The following C1orf94 variants were observed in gnomAD, a reference collection of about 807,000 sequenced individuals.
C1orf94 encodes the protein chromosome 1 open reading frame 94.
C1orf94 carries 45 observed loss-of-function variants against 53.6 expected under a neutral mutation model. The ratio of observed to expected loss-of-function variants is 0.84; its 90% CI spans 0.66 to 1.08. The LOEUF (loss-of-function observed/expected upper bound fraction) is 1.08, where lower values mean the gene tolerates loss of function less well. C1orf94 is among the 50% of genes least tolerant of loss of function. C1orf94 has a pLI of 0.00. For synonymous variants in C1orf94, 304 were observed against 296.1 expected, an observed-to-expected ratio of 1.03 and a Z score of -0.27; for missense variants, 762 against 738.9, an observed-to-expected ratio of 1.03 and a Z score of -0.36.
chr1:34,214,881 G>T (rs1023050877), intron 6 of C1orf94, among the ~76,000 whole-genome samples: 17 of 152,204 alleles, frequency 1.1e-4, no homozygotes, highest in African/African-American at 4.1e-4. Flanking sequence ...CCAGGACCAT[G>T]AGGTCGGAAA....
rs578085867 is a variant in C1orf94, at chr1:34,208,038, G to A, written c.1447-119G>A. On this transcript the variant is annotated intron_variant, in intron 4 of 6. Coordinates refer to ENST00000488417, the MANE Select transcript of C1orf94 (RefSeq NM_001134734.2). ...TCCAGCTGGCCTCAGACAGCCCATG[G>A]GTCTGGTCAGCAATGTGATGGGACA... The A allele has an allele frequency of 2.7e-5, 26 of 961,252 alleles. No homozygotes were observed. The East Asian group carries it at 6.6e-4, about 24-fold the overall frequency. The allele number at this position is 961,252 out of a possible 1,614,324, so 59.5% of individuals were successfully genotyped here.
chr1:34,208,768 T>C (rs1642842838), intron 5 of C1orf94, among the ~76,000 whole-genome samples: 1 of 152,142 alleles, frequency 6.6e-6, no homozygotes, highest in African/African-American at 2.4e-5. Context: ...TACCTCTTGC[T>C]CTTTCCACGG....
Position 34,197,404 on chromosome 1 carries a change from T to C in C1orf94, c.500T>C (p.Val167Ala), listed in dbSNP as rs1285482168. ...CCCTGCATTCTTGCCCCTCCTCTAG[T>C]GGCAGGCAGTAATGAGCGCCCCAGA... ...LAPCILAPPLVAGSNERPRAS... is the reference protein window; with the variant it reads ...LAPCILAPPLAAGSNERPRAS... Residue 167 changes from valine to alanine, a missense_variant, in exon 2 of 7, where the codon GTG becomes GCG. Physicochemically the swap from Val to Ala is moderately conservative, Grantham distance 64 (BLOSUM62 0). Coordinates refer to ENST00000488417, the MANE Select transcript of C1orf94 (RefSeq NM_001134734.2). This position sits in a 1 kb window ranked among gnomAD's most constrained non-coding sequence, Gnocchi z 4.1. The C allele has an allele frequency of 2.5e-6, 4 of 1,613,816 alleles. No individual in the cohort carries two copies. The South Asian group carries it at 4.4e-5, about 18-fold the overall frequency.
chr1:34,217,550 C>T (rs1216030297), intron 6 of C1orf94, among the ~76,000 whole-genome samples: 2 of 152,168 alleles, frequency 1.3e-5, no homozygotes, highest in African/African-American at 4.8e-5. Flanking sequence ...GAGGGACCCA[C>T]ATTGTGTCAG....
Position 34,202,210 on chromosome 1 carries a change from A to C in C1orf94, c.1397A>C (p.Tyr466Ser). The change falls in exon 4 of 7, where the codon TAT (tyrosine) becomes TCT (serine). Residue 466 changes from tyrosine (Y) to serine (S), a missense_variant. Transcript: ENST00000488417. ...LNQPLWLNLN[Y>S]PPPPVFTNHS... ...CAGCCACTCTGGCTCAACCTGAACT[A>C]TCCACCTCCACCAGTGTTCACGAAT... The C allele has an allele frequency of 6.2e-7, 1 of 1,614,176 alleles. No homozygotes were observed. The highest frequency in any genetic ancestry group is 8.5e-7 in the Non-Finnish European group (1 of 1,180,034).
At chr1:34,190,735 G>A (rs1642468359) in intron 1 of C1orf94, among the ~76,000 whole-genome samples, 1 of 152,226 alleles carries the variant, frequency 6.6e-6, no homozygotes, top group Non-Finnish European at 1.5e-5. Context: ...TTGTCCCTTA[G>A]TAAGTCTGTG....
intron 1 of C1orf94, among the ~76,000 whole-genome samples, chr1:34,167,461 T>C (rs1642057507): frequency 6.6e-6 from 1 of 152,180 alleles, no homozygotes; most frequent in African/African-American, 2.4e-5. Context: ...CCCCAGAACT[T>C]TCCCGGGCAA....
intron 1 of C1orf94, among the ~76,000 whole-genome samples, chr1:34,194,622 C>A (rs1413255967): frequency 6.6e-6 from 1 of 152,146 alleles, no homozygotes; most frequent in Non-Finnish European, 1.5e-5. Flanking sequence ...AACATATGGC[C>A]AATCTTGTTT....
At position 34,217,398 on chromosome 1, in the gene C1orf94, T is replaced by C. The variant is rs1643006679; in HGVS notation, c.1722-1288T>C. On this transcript the variant is annotated intron_variant, in intron 6 of 6. Coordinates refer to ENST00000488417, the MANE Select transcript of C1orf94 (RefSeq NM_001134734.2). ...CTGATAATTGTTAAATACTGAAGTA[T>C]GGGTTACAGCCTTTATTTTGTAAGT... Among the ~76,000 whole-genome samples the C allele has an allele frequency of 3.3e-5, 5 of 152,194 alleles. No homozygotes were observed. In the South Asian group the frequency reaches 6.2e-4, roughly 19 times the overall value.
chr1:34,195,186 G>A (rs538300130), intron 1 of C1orf94, among the ~76,000 whole-genome samples: 1 of 152,280 alleles, frequency 6.6e-6, no homozygotes, highest in African/African-American at 2.4e-5. Flanking sequence ...CCCTTCAGGA[G>A]CTGGCCGGGA....
At chr1:34,212,608 C>T (rs576093765) in intron 6 of C1orf94, among the ~76,000 whole-genome samples, 1 of 152,246 alleles carries the variant, frequency 6.6e-6, no homozygotes, top group East Asian at 1.9e-4. Flanking sequence ...GCCTGGTGGG[C>T]CCCTTTTGTA....
At position 34,218,715 on chromosome 1, in the gene C1orf94, T is replaced by C. The variant is rs774594237; in HGVS notation, c.1751T>C (p.Met584Thr). The change falls in exon 7 of 7, where the codon ATG becomes ACG. Residue 584 changes from methionine (M) to threonine (T), a missense_variant. Transcript: ENST00000488417. ...GFGSTSGGPL[M>T]HSPYFSSSGN... ...GGCTCGACATCCGGAGGGCCCTTGA[T>C]GCACAGCCCCTATTTTTCTTCCAGT... 1.9e-6 allele frequency: 3 copies of C among 1,612,902 alleles called. No individual in the cohort carries two copies. The highest frequency in any genetic ancestry group is 1.7e-6 in the Non-Finnish European group (2 of 1,179,200).
chr1:34,195,492 A>T (rs1642564435), intron 1 of C1orf94, among the ~76,000 whole-genome samples: 1 of 151,956 alleles, frequency 6.6e-6, no homozygotes, highest in South Asian at 2.1e-4. Flanking sequence ...GGGGGTAGAG[A>T]GGCTCATGTT....
chr1:34,169,607 G>GAC (rs1335178209), intron 1 of C1orf94, among the ~76,000 whole-genome samples: 2 of 91,478 alleles, frequency 2.2e-5, no homozygotes, highest in African/African-American at 8.1e-5. Flanking sequence ...GAGAGAGAGA[G>GAC]AGAGAGAGAG....
chr1:34,199,667 G>T (rs980144560), intron 2 of C1orf94, among the ~76,000 whole-genome samples: 1 of 152,236 alleles, frequency 6.6e-6, no homozygotes, highest in African/African-American at 2.4e-5. Flanking sequence ...GGGTGGCCAG[G>T]TTTCCCACCA....
At chr1:34,213,164 C>T (rs1642923497) in intron 6 of C1orf94, among the ~76,000 whole-genome samples, 1 of 152,202 alleles carries the variant, frequency 6.6e-6, no homozygotes, top group African/African-American at 2.4e-5. Flanking sequence ...CTCCCGGGCA[C>T]ACCCTGGGGA....
chr1:34,208,400 G>A (rs990648963), intron 5 of C1orf94, among the ~76,000 whole-genome samples, 166 bp downstream of exon 5: 1 of 152,184 alleles, frequency 6.6e-6, no homozygotes. Context: ...AACACAAACC[G>A]ATGTCCGTAT....
chr1:34,213,023 C>T (rs1642920987), intron 6 of C1orf94, among the ~76,000 whole-genome samples: 1 of 152,186 alleles, frequency 6.6e-6, no homozygotes, highest in East Asian at 1.9e-4. Flanking sequence ...ATTGTGCATG[C>T]TGTTGAGTCA....
In C1orf94 at chr1:34,197,199, C is replaced by T. The variant is rs1557483506; in HGVS notation, c.321-26C>T. On this transcript the variant is annotated intron_variant, in intron 1 of 6. Coordinates refer to ENST00000488417, the MANE Select transcript of C1orf94 (RefSeq NM_001134734.2). This position sits in a 1 kb window ranked among gnomAD's most constrained non-coding sequence, Gnocchi z 4.1. ...CGCCTTGGTGAGCTGGCACTAACAC[C>T]GTCTGTCTCTCTGACCCATTTCCAG... 8.1e-6 allele frequency: 12 copies of T among 1,487,734 alleles called. No individual in the cohort carries two copies. The highest frequency in any genetic ancestry group is 5.0e-5 in the East Asian group (2 of 40,208). The allele number at this position is 1,487,734 out of a possible 1,614,324, so 92.2% of individuals were successfully genotyped here.
Sources: allele counts gnomAD v4.1 joint callset (sites outside exome capture counted in the v4.1 genomes callset), GRCh38; gene constraint gnomAD v4.1.1; non-coding constraint Gnocchi (gnomAD v3.1); transcripts MANE v1.5; gene names NCBI Gene and HGNC (gene_info 2026-07-23, HGNC 2026-07-21).